The following NOX4 variants were observed in gnomAD, a reference collection of about 807,000 sequenced individuals.
The protein encoded by NOX4 is NADPH oxidase 4.
NOX4 carries 69 observed loss-of-function variants against 87.6 expected under a neutral mutation model. The ratio of observed to expected loss-of-function variants is 0.79; its 90% CI spans 0.65 to 0.96. The LOEUF (loss-of-function observed/expected upper bound fraction) is 0.96. Among genes scored for constraint, NOX4 ranks in the 40% least tolerant of loss-of-function variants. NOX4 has a pLI of 0.00. For missense variants in NOX4, 680 were observed against 681.5 expected, an observed-to-expected ratio of 1.00 and a Z score of 0.02; for synonymous variants, 275 against 238.2, an observed-to-expected ratio of 1.15 and a Z score of -1.42.
At chr11:89,358,244 G>C (rs990409253) in intron 12 of NOX4, among the ~76,000 whole-genome samples, 6 of 151,666 alleles carry the variant, frequency 4.0e-5, no homozygotes, top group Admixed American at 1.3e-4. Flanking sequence ...AAATTAGTCG[G>C]GCATAGTGGT....
chr11:89,351,021 T>C (rs897081577), intron 13 of NOX4, among the ~76,000 whole-genome samples: 1 of 152,330 alleles, frequency 6.6e-6, no homozygotes. Flanking sequence ...GAGATAGGCA[T>C]AAAGTTAGGC....
At chr11:89,386,897 C>T (rs992416176) in intron 11 of NOX4, among the ~76,000 whole-genome samples, 12 of 152,092 alleles carry the variant, frequency 7.9e-5, no homozygotes, top group African/African-American at 2.7e-4. Context: ...CTTATTTGGA[C>T]CTTGTGTCTT....
intron 17 of NOX4, among the ~76,000 whole-genome samples, chr11:89,333,276 G>T (rs185142032): frequency 6.6e-6 from 1 of 151,580 alleles, no homozygotes; most frequent in Non-Finnish European, 1.5e-5. Flanking sequence ...GCAAAGCCAA[G>T]AAAAAAATAA....
chr11:89,369,263 G>A (rs1939254216), intron 12 of NOX4, among the ~76,000 whole-genome samples: 2 of 152,006 alleles, frequency 1.3e-5, no homozygotes, highest in Non-Finnish European at 2.9e-5. Flanking sequence ...AATACAAAGA[G>A]TGGAAGAAAA....
At chr11:89,517,825 T>C in the NOX4 span, among the ~76,000 whole-genome samples, 1 of 152,042 alleles carries the variant, frequency 6.6e-6, no homozygotes, top group Non-Finnish European at 1.5e-5. Context: ...TGATCTTGTG[T>C]ACCACTGTAA....
chr11:89,575,158 G>A, the NOX4 span, among the ~76,000 whole-genome samples: 13 of 151,374 alleles, frequency 8.6e-5, no homozygotes, highest in Admixed American at 4.6e-4. Context: ...ACTCCCGACT[G>A]AGCAGCAAGA....
At chr11:89,431,543 T>A (rs987523906) in intron 7 of NOX4, among the ~76,000 whole-genome samples, 1 of 152,046 alleles carries the variant, frequency 6.6e-6, no homozygotes, top group African/African-American at 2.4e-5. Context: ...AGGCAAAGGA[T>A]ATGAACAGAC....
chr11:89,365,983 A>C (rs1453387056), intron 12 of NOX4, among the ~76,000 whole-genome samples: 1 of 152,118 alleles, frequency 6.6e-6, no homozygotes, highest in Non-Finnish European at 1.5e-5. Context: ...AATGATTAGC[A>C]AGTGTATCAA....
At chr11:89,475,463 G>C (rs1246691597) in intron 2 of NOX4, among the ~76,000 whole-genome samples, 1 of 151,768 alleles carries the variant, frequency 6.6e-6, no homozygotes, top group East Asian at 1.9e-4. Context: ...TTCCCTAATG[G>C]TATGCATTAT....
chr11:89,453,142 G>C (rs1039771743), intron 2 of NOX4, among the ~76,000 whole-genome samples: 1 of 152,072 alleles, frequency 6.6e-6, no homozygotes, highest in Non-Finnish European at 1.5e-5. Context: ...GCAAAAACAG[G>C]CCTATTTCCA....
the NOX4 span, among the ~76,000 whole-genome samples, chr11:89,508,593 G>A: frequency 1.3e-5 from 2 of 152,034 alleles, no homozygotes; most frequent in Non-Finnish European, 2.9e-5. Context: ...TTGATATGTT[G>A]AGAGACTGCC....
intron 2 of NOX4, among the ~76,000 whole-genome samples, chr11:89,471,346 A>G (rs1945931366): frequency 6.6e-6 from 1 of 152,136 alleles, no homozygotes; most frequent in Admixed American, 6.5e-5. Context: ...TCTAATAAGT[A>G]CTCTTTGGGG....
At chr11:89,558,312 A>G in the NOX4 span, among the ~76,000 whole-genome samples, 2 of 152,152 alleles carry the variant, frequency 1.3e-5, no homozygotes, top group Non-Finnish European at 1.5e-5. Context: ...TAAAGAAACC[A>G]ACTGCAGAAA....
intron 2 of NOX4, among the ~76,000 whole-genome samples, chr11:89,479,032 G>T (rs1408931609): frequency 1.3e-5 from 2 of 151,420 alleles, no homozygotes; most frequent in Non-Finnish European, 2.9e-5. Flanking sequence ...AATGAAATGT[G>T]GCCAAGGAAA....
chr11:89,467,124 G>A (rs556731979), intron 2 of NOX4, among the ~76,000 whole-genome samples: 10 of 151,892 alleles, frequency 6.6e-5, no homozygotes, highest in East Asian at 2.0e-4. Context: ...CAAGGCAGGC[G>A]GATCACGAGA....
At chr11:89,578,817 C>A in the NOX4 span, among the ~76,000 whole-genome samples, 2 of 152,080 alleles carry the variant, frequency 1.3e-5, no homozygotes, top group African/African-American at 4.8e-5. Context: ...AAATGTATTT[C>A]TTTGAAAAAC....
intron 2 of NOX4, among the ~76,000 whole-genome samples, chr11:89,481,904 A>G (rs1300702516): frequency 6.6e-6 from 1 of 152,126 alleles, no homozygotes; most frequent in Admixed American, 6.6e-5. Context: ...GACGACTGCT[A>G]CTATTATTGG....
At chr11:89,470,092 A>G (rs1591334512) in intron 2 of NOX4, among the ~76,000 whole-genome samples, 1 of 151,012 alleles carries the variant, frequency 6.6e-6, no homozygotes, top group African/African-American at 2.5e-5. Flanking sequence ...TAATAATAAT[A>G]ATAATAATAA....
chr11:89,426,544 G>A (rs1431222353), intron 7 of NOX4, among the ~76,000 whole-genome samples: 2 of 152,098 alleles, frequency 1.3e-5, no homozygotes, highest in African/African-American at 4.8e-5. Context: ...CTTTTCCAAT[G>A]GTCTTAGCAA....
Sources: gnomAD v4.1 joint callset for allele counts (sites outside exome capture counted in the v4.1 genomes callset) on GRCh38, gnomAD v4.1.1 for gene constraint, MANE v1.5 for transcripts, NCBI Gene and HGNC (gene_info 2026-07-23, HGNC 2026-07-21) for gene names.